RNF168: variants seen among roughly 807,000 people sequenced by gnomAD.
RNF168 encodes the protein E3 ubiquitin-protein ligase RNF168.
A neutral mutation model predicts 34.9 loss-of-function variants in RNF168; 34 were observed. The ratio of observed to expected loss-of-function variants is 0.97; its 90% CI spans 0.74 to 1.30. The LOEUF is 1.30. RNF168 is among the 50% of genes most tolerant of loss of function. RNF168 has a pLI of 0.00. For missense variants in RNF168, 725 were observed against 682.5 expected (o/e 1.06, Z -0.69); for synonymous variants, 264 against 254.7 (o/e 1.04, Z -0.35).
chr3:196,473,648 AGTT>A (rs1732068955), intron 5 of RNF168, among the ~76,000 whole-genome samples: 1 of 152,156 alleles, frequency 6.6e-6, no homozygotes, highest in South Asian at 2.1e-4. Flanking sequence ...TGAGGTCAGG[AGTT>A]TGAGACCAGC....
intron 4 of RNF168, among the ~76,000 whole-genome samples, chr3:196,478,813 T>C (rs1157510570): frequency 1.4e-5 from 2 of 147,956 alleles, no homozygotes; most frequent in Admixed American, 6.8e-5. Context: ...ATTACAGGCA[T>C]GCACCACCAT....
intron 1 of RNF168, among the ~76,000 whole-genome samples, chr3:196,498,386 C>T (rs1011753832): frequency 7.2e-5 from 11 of 152,054 alleles, no homozygotes; most frequent in African/African-American, 2.7e-4. Flanking sequence ...AACTCCTGAC[C>T]TTGTGATCCA....
chr3:196,500,756 G>C (rs577875073), intron 1 of RNF168, among the ~76,000 whole-genome samples: 8 of 151,780 alleles, frequency 5.3e-5, no homozygotes, highest in Non-Finnish European at 1.2e-4. Context: ...CTGTCTCCCA[G>C]GCTGGAGTGC....
At chr3:196,482,766 TC>T (rs2108648260) in intron 4 of RNF168, among the ~76,000 whole-genome samples, 1 of 152,266 alleles carries the variant, frequency 6.6e-6, no homozygotes, top group South Asian at 2.1e-4. Flanking sequence ...TCTACTCAAG[TC>T]CCTTTGTCCA....
At chr3:196,495,699 A>G (rs532672536) in intron 1 of RNF168, among the ~76,000 whole-genome samples, 42 of 152,280 alleles carry the variant, frequency 2.8e-4, no homozygotes, top group African/African-American at 9.9e-4. Flanking sequence ...CACCCTTTGT[A>G]ATTAATAAGC....
At chr3:196,479,381 G>C (rs373453698) in intron 4 of RNF168, among the ~76,000 whole-genome samples, 1 of 151,730 alleles carries the variant, frequency 6.6e-6, no homozygotes, top group East Asian at 1.9e-4. Flanking sequence ...CATAGCTCAC[G>C]GCAGCCTTGA....
Position 196,471,246 on chromosome 3 carries a change from T to C in RNF168, c.*573A>G, listed in dbSNP as rs1357235318. ...AAAAAAAAATCTGGGATTTCCCACA[T>C]ATGAATATGAATCCAAATTTTGAAA... On this transcript the variant is annotated 3_prime_UTR_variant, in exon 6 of 6. Coordinates refer to ENST00000318037, the MANE Select transcript of RNF168 (RefSeq NM_152617.4). 2.6e-4 allele frequency: 26 copies of C among 99,236 alleles called. No homozygotes were observed. Among genetic ancestry groups the C allele is most frequent in the African/African-American group, 9.1e-4 (26 of 28,636 alleles). The allele number at this position is 99,236 out of a possible 1,614,324, so 6.1% of individuals were successfully genotyped here.
At position 196,472,202 on chromosome 3, in the gene RNF168, G is replaced by T; in HGVS notation, c.1333C>A (p.Gln445Lys). 6.2e-7 allele frequency: 1 copy of T among 1,613,946 alleles called. No individual in the cohort carries two copies. Among genetic ancestry groups the T allele is most frequent in the Non-Finnish European group, 8.5e-7 (1 of 1,179,878 alleles). Reference sequence around the variant, plus strand: ...AGTTGTAATGCCAATAACCTGTCCTGTTCTTCTTGTTTATGTCTCTCAAAC... The same window carrying T: ...AGTTGTAATGCCAATAACCTGTCCTTTTCTTCTTGTTTATGTCTCTCAAAC... The part of the protein sequence containing the change: ...LLFERHKQEE[Q>K]DRLLALQLQK... Residue 445 changes from glutamine to lysine, a missense_variant, in exon 6 of 6, where the codon CAG becomes AAG. Gln to Lys is a moderately conservative substitution (Grantham distance 53). Coordinates refer to ENST00000318037, the MANE Select transcript of RNF168 (RefSeq NM_152617.4).
chr3:196,494,328 C>T (rs1003844176), intron 1 of RNF168, among the ~76,000 whole-genome samples: 7 of 152,170 alleles, frequency 4.6e-5, no homozygotes, highest in Non-Finnish European at 7.3e-5. Context: ...CTACTCTACT[C>T]GATATTTTGC....
rs774597790 is a variant in RNF168 at position 196,483,959 on chromosome 3, T to C, written c.559-68A>G. The C allele has an allele frequency of 4.3e-5, 51 of 1,191,722 alleles. 1 individual carries two copies. In the African/African-American group the frequency reaches 4.4e-4, roughly 10 times the overall value. 73.8% of individuals were successfully genotyped at this position (1,191,722 alleles called of 1,614,324 possible). A position where few individuals can be genotyped will look rare whatever the true frequency, so the allele number is the denominator to read the frequency against. ...CTTTATGATAAAATAAGCTATTAATTTGACTAATTCAGAAATCCATAGCAT... is the reference window on the plus strand; with the variant it reads ...CTTTATGATAAAATAAGCTATTAATCTGACTAATTCAGAAATCCATAGCAT... On this transcript the variant is annotated intron_variant, in intron 3 of 5. Transcript: ENST00000318037.
rs755116093 is a variant in RNF168 at position 196,472,648 on chromosome 3, G to C, written c.887C>G (p.Ser296Cys). 2 of 1,611,520 alleles carry C rather than the reference G, an allele frequency of 1.2e-6. No individual in the cohort carries two copies. The highest frequency in any genetic ancestry group is 8.5e-7 in the Non-Finnish European group (1 of 1,177,874). The change falls in exon 6 of 6, where the codon TCC becomes TGC. Residue 296 changes from serine to cysteine, a missense_variant. Transcript: ENST00000318037. ...ACAGGCACATAACCATGGCATAGGG[G>C]ACTCTATTGAAGAATCTGCACCTTG... ...GEQGADSSIE[S>C]PMPWLCACGA...
At position 196,503,041 on chromosome 3, in the gene RNF168, C is replaced by G; in HGVS notation, c.133G>C (p.Glu45Gln). ...AAGGGACAGCATAAACTCGCCTTTTCGACGGTCGACTGGAAGCACGGTTTA... is the reference window on the plus strand; with the variant it reads ...AAGGGACAGCATAAACTCGCCTTTTGGACGGTCGACTGGAAGCACGGTTTA... Reference protein sequence around the residue: ...LCKPCFQSTVEKASLCCPFCR... With the variant: ...LCKPCFQSTVQKASLCCPFCR... The change falls in exon 1 of 6, where the codon GAA (glutamate) becomes CAA (glutamine). Residue 45 changes from glutamate to glutamine, a missense_variant. Glu to Gln is a conservative substitution (Grantham distance 29). Coordinates refer to ENST00000318037, the MANE Select transcript of RNF168 (RefSeq NM_152617.4). The G allele has an allele frequency of 6.2e-7, 1 of 1,614,126 alleles. No individual in the cohort carries two copies. Among genetic ancestry groups the G allele is most frequent in the East Asian group, 2.2e-5 (1 of 44,874 alleles).
At chr3:196,486,561 T>C (rs1732428768) in intron 3 of RNF168, among the ~76,000 whole-genome samples, 1 of 152,176 alleles carries the variant, frequency 6.6e-6, no homozygotes, top group Admixed American at 6.5e-5. Context: ...CTCAAACTCC[T>C]GGGCTCAAGC....
intron 4 of RNF168, among the ~76,000 whole-genome samples, chr3:196,483,095 CAT>C (rs1008755056): frequency 5.3e-5 from 8 of 151,586 alleles, no homozygotes; most frequent in African/African-American, 1.7e-4. Context: ...GATATTGTCA[CAT>C]CTTTTTTTTT....
rs751200609 is a variant in RNF168, at chr3:196,503,596, CG to C, written c.-424del. 257 of 232,816 alleles carry C rather than the reference CG, an allele frequency of 1.1e-3. No homozygotes were observed. The highest frequency in any genetic ancestry group is 2.7e-3 in the Admixed American group (52 of 19,082). 14.4% of individuals were successfully genotyped at this position (232,816 alleles called of 1,614,324 possible). On this transcript the variant is annotated 5_prime_UTR_variant, in exon 1 of 6. The change abolishes the stop of an existing upstream ORF in the 5' untranslated region. Coordinates refer to ENST00000318037, the MANE Select transcript of RNF168 (RefSeq NM_152617.4). ...CGGGACGCGGCTCCGGGAGGAAGCCCGGGCTCCGGCTGCAGCATAACTTCCG... is the reference window on the plus strand; with the variant it reads ...CGGGACGCGGCTCCGGGAGGAAGCCCGGCTCCGGCTGCAGCATAACTTCCG...
At chr3:196,491,339 A>C (rs948461896) in intron 1 of RNF168, among the ~76,000 whole-genome samples, 1 of 150,088 alleles carries the variant, frequency 6.7e-6, no homozygotes, top group Non-Finnish European at 1.5e-5. Flanking sequence ...GAAACAAACA[A>C]AAAACCCAAA....
In RNF168 at chr3:196,481,961, G is replaced by GGTT. The variant is rs1421439724; in HGVS notation, c.680+1808_680+1809insAAC. On this transcript the variant is annotated intron_variant, in intron 4 of 5. Coordinates refer to ENST00000318037, the MANE Select transcript of RNF168 (RefSeq NM_152617.4). ...TTATAGGCATGAGCCACTGTCCCTG[G>GGTT]CTTTTTTTTTTTTTTTTTTTTAGAG... Among the ~76,000 whole-genome samples the GGTT allele has an allele frequency of 1.1e-4, 15 of 132,818 alleles. 3 individuals are homozygous for GGTT. Among genetic ancestry groups the GGTT allele is most frequent in the Non-Finnish European group, 1.3e-4 (8 of 62,282 alleles). 87.1% of individuals were successfully genotyped at this position (132,818 alleles called of 152,430 possible). A position where few individuals can be genotyped will look rare whatever the true frequency, so the allele number is the denominator to read the frequency against.
At chr3:196,478,953 C>A (rs1277767788) in intron 4 of RNF168, among the ~76,000 whole-genome samples, 1 of 149,902 alleles carries the variant, frequency 6.7e-6, no homozygotes, top group Non-Finnish European at 1.5e-5. Context: ...GTGATCCACC[C>A]ACCTCGGCTT....
At chr3:196,481,386 A>G (rs780302755) in intron 4 of RNF168, among the ~76,000 whole-genome samples, 2 of 152,000 alleles carry the variant, frequency 1.3e-5, no homozygotes, top group Non-Finnish European at 2.9e-5. Context: ...GCAGTGGGCC[A>G]TGATCGCACC....
Sources: allele counts gnomAD v4.1 joint callset (sites outside exome capture counted in the v4.1 genomes callset), GRCh38; gene constraint gnomAD v4.1.1; transcripts MANE v1.5; gene names NCBI Gene and HGNC (gene_info 2026-07-23, HGNC 2026-07-21).